Variants in MLLT10 observed in about 807,000 individuals in gnomAD.
MLLT10 encodes the protein MLLT10 histone lysine methyltransferase DOT1L cofactor.
MLLT10 carries 30 observed loss-of-function variants against 129.1 expected under a neutral mutation model. That is an observed-to-expected ratio of 0.23 (90% CI 0.17 to 0.32). MLLT10 has a LOEUF of 0.32. Ranked by LOEUF, MLLT10 falls within the 10% of genes least tolerant of loss-of-function variation. The probability of loss-of-function intolerance (pLI) is 1.00; values close to 1 mark genes in which losing one functional copy is unlikely to be tolerated. For synonymous variants in MLLT10, 490 were observed against 446.4 expected, an observed-to-expected ratio of 1.10 and a Z score of -1.23; for missense variants, 1,119 against 1,268.3, an observed-to-expected ratio of 0.88 and a Z score of 1.79.
At chr10:21,730,159 G>T (rs1216685442) in intron 16 of MLLT10, among the ~76,000 whole-genome samples, 1 of 151,896 alleles carries the variant, frequency 6.6e-6, no homozygotes, top group Non-Finnish European at 1.5e-5. Flanking sequence ...GTGCGTGGTA[G>T]TGTGTGCTCT....
chr10:21,668,344 T>C (rs751492409), intron 9 of MLLT10, among the ~76,000 whole-genome samples: 30 of 152,208 alleles, frequency 2.0e-4, no homozygotes, highest in Middle Eastern at 3.4e-3. Flanking sequence ...TTGATCATTG[T>C]ATGTTTATAA....
At chr10:21,683,584 C>T (rs1264237021) in intron 13 of MLLT10, among the ~76,000 whole-genome samples, 1 of 152,138 alleles carries the variant, frequency 6.6e-6, no homozygotes, top group Non-Finnish European at 1.5e-5. Context: ...TTTTTCATTG[C>T]AAGTACAAGT....
chr10:21,669,298 A>G (rs577178960), intron 9 of MLLT10, among the ~76,000 whole-genome samples: 1 of 152,286 alleles, frequency 6.6e-6, no homozygotes, highest in Admixed American at 6.5e-5. Flanking sequence ...TTGGTTTTCC[A>G]AACACTTAAT....
At chr10:21,571,317 TTC>T (rs368301581) in intron 3 of MLLT10, among the ~76,000 whole-genome samples, 5 of 151,858 alleles carry the variant, frequency 3.3e-5, no homozygotes, top group Admixed American at 3.3e-4. Context: ...ATCTCTTCAT[TTC>T]TCTCTCTCTC....
rs1276036854 is a variant in MLLT10 at position 21,556,886 on chromosome 10, G to A, written c.240+17974G>A. 2.6e-6 allele frequency: 4 copies of A among 1,550,800 alleles called. No individual in the cohort carries two copies. The African/African-American group carries it at 5.5e-5, about 21-fold the overall frequency. On this transcript the variant is annotated intron_variant, in intron 3 of 22. Coordinates refer to ENST00000307729, the MANE Select transcript of MLLT10 (RefSeq NM_001195626.3). Reference sequence around the variant, plus strand: ...CAGGGATATTCTTTTTTATATTTATGGCTTTATGCCATTTATCTCAGTTGT... The same window carrying A: ...CAGGGATATTCTTTTTTATATTTATAGCTTTATGCCATTTATCTCAGTTGT...
chr10:21,627,180 C>T (rs1183408616), intron 8 of MLLT10, among the ~76,000 whole-genome samples: 2 of 152,124 alleles, frequency 1.3e-5, no homozygotes, highest in African/African-American at 2.4e-5. Context: ...GTCCTTCGCT[C>T]TACCCTCCTT....
intron 8 of MLLT10, among the ~76,000 whole-genome samples, chr10:21,641,074 A>G (rs1335355514): frequency 1.3e-5 from 2 of 152,184 alleles, no homozygotes; most frequent in Admixed American, 6.5e-5. Context: ...CATTCAGACT[A>G]CGTTGATTGG....
At chr10:21,586,206 T>C in intron 3 of MLLT10, 88 bp from the exon 4 acceptor site, 1 of 1,015,694 alleles carries the variant, frequency 9.8e-7, no homozygotes, top group Non-Finnish European at 1.5e-6. Context: ...TGCTCTCACA[T>C]TTTCAGTAGT....
intron 5 of MLLT10, among the ~76,000 whole-genome samples, chr10:21,608,001 A>G (rs1375270969): frequency 2.0e-5 from 3 of 150,210 alleles, no homozygotes; most frequent in Non-Finnish European, 4.4e-5. Flanking sequence ...TTCTTGATTT[A>G]CAGGTGTTTT....
At chr10:21,664,451 C>G (rs1222040265) in intron 9 of MLLT10, among the ~76,000 whole-genome samples, 1 of 151,528 alleles carries the variant, frequency 6.6e-6, no homozygotes, top group Non-Finnish European at 1.5e-5. Context: ...GTAGCTGGGA[C>G]TTACCCAGCT....
intron 11 of MLLT10, among the ~76,000 whole-genome samples, chr10:21,674,626 C>G (rs1369652916): frequency 6.6e-6 from 1 of 152,056 alleles, no homozygotes; most frequent in East Asian, 1.9e-4. Context: ...TTAAAAATTT[C>G]TTCAAAATGC....
Position 21,646,043 on chromosome 10 carries a change from A to G in MLLT10, c.700-5630A>G, listed in dbSNP as rs187084693. Among the ~76,000 whole-genome samples, 8 of 152,278 alleles carry G rather than the reference A, an allele frequency of 5.3e-5. No homozygotes were observed. In the East Asian group the frequency reaches 1.5e-3, roughly 29 times the overall value. ...AACATGATGAAATCCCGTCTCTACT[A>G]AAAATACAAAAGTTAGCCAGACATG... On this transcript the variant is annotated intron_variant, in intron 8 of 22. Transcript: ENST00000307729.
rs2051779357 is a variant in MLLT10, at chr10:21,673,935, T to G, written c.1621+16T>G. On this transcript the variant is annotated intron_variant, in intron 11 of 22. Transcript: ENST00000307729. ...GTTGGTTCAGGTAGGGGTTTGCCTA[T>G]TATTATTTTTCTCCTTCACTCCCAC... is the stretch of plus-strand genomic sequence containing the variant. 1 of 1,536,558 alleles carries G rather than the reference T, an allele frequency of 6.5e-7. No individual in the cohort carries two copies. The highest frequency in any genetic ancestry group is 8.7e-7 in the Non-Finnish European group (1 of 1,144,636).
chr10:21,612,485 C>T (rs141933934), intron 6 of MLLT10, 34 bp downstream of exon 6: 18,478 of 1,346,760 alleles, frequency 0.014, 161 homozygotes, highest in Middle Eastern at 0.024. Flanking sequence ...CAGAACTGAA[C>T]TTGGTAAATA....
chr10:21,623,098 C>T (rs1034153510), intron 8 of MLLT10, among the ~76,000 whole-genome samples: 2 of 152,180 alleles, frequency 1.3e-5, no homozygotes, highest in Non-Finnish European at 2.9e-5. Flanking sequence ...GTGCTCCACC[C>T]ACACAGCATC....
intron 5 of MLLT10, among the ~76,000 whole-genome samples, chr10:21,608,407 G>A (rs1303772295): frequency 6.6e-6 from 1 of 151,826 alleles, no homozygotes; most frequent in Non-Finnish European, 1.5e-5. Flanking sequence ...GAACTCCTGG[G>A]CTCAAGCAGT....
intron 4 of MLLT10, among the ~76,000 whole-genome samples, chr10:21,587,869 A>G (rs1483897373): frequency 6.6e-6 from 1 of 152,158 alleles, no homozygotes; most frequent in Non-Finnish European, 1.5e-5. Flanking sequence ...TGCCCAGTTT[A>G]TCAATAGTTT....
At chr10:21,713,109 A>G (rs184637614) in intron 13 of MLLT10, among the ~76,000 whole-genome samples, 8 of 151,930 alleles carry the variant, frequency 5.3e-5, no homozygotes, top group Non-Finnish European at 1.0e-4. Context: ...GGAGCTGCCA[A>G]CTCATAGCCC....
At chr10:21,578,850 A>G (rs1227291199) in intron 3 of MLLT10, among the ~76,000 whole-genome samples, 1 of 152,160 alleles carries the variant, frequency 6.6e-6, no homozygotes, top group Admixed American at 6.6e-5. Context: ...AACTATGTAT[A>G]TTATAAGCCC....
Sources: allele counts gnomAD v4.1 joint callset (sites outside exome capture counted in the v4.1 genomes callset), GRCh38; gene constraint gnomAD v4.1.1; transcripts MANE v1.5; gene names NCBI Gene and HGNC (gene_info 2026-07-23, HGNC 2026-07-21).